TNFRSF10D: variants seen among roughly 807,000 people sequenced by gnomAD.
TNFRSF10D encodes tumor necrosis factor receptor superfamily member 10D.
A neutral mutation model predicts 42.1 loss-of-function variants in TNFRSF10D; 28 were observed. The ratio of observed to expected loss-of-function variants is 0.66; its 90% CI spans 0.49 to 0.91. The LOEUF (loss-of-function observed/expected upper bound fraction) is 0.91, where lower values mean the gene tolerates loss of function less well. Among genes scored for constraint, TNFRSF10D ranks in the 40% least tolerant of loss-of-function variants. TNFRSF10D has a pLI of 0.00. For synonymous variants in TNFRSF10D, 186 were observed against 189.4 expected, an observed-to-expected ratio of 0.98 and a Z score of 0.15; for missense variants, 503 against 486.1, an observed-to-expected ratio of 1.03 and a Z score of -0.33.
At chr8:23,161,097 C>T (rs1399045453) in intron 1 of TNFRSF10D, among the ~76,000 whole-genome samples, 1 of 152,266 alleles carries the variant, frequency 6.6e-6, no homozygotes, top group Non-Finnish European at 1.5e-5. Context: ...TCCGGAGTGA[C>T]TGACACCAGC....
At chr8:23,158,421 A>G (rs1563363070) in intron 1 of TNFRSF10D, among the ~76,000 whole-genome samples, 1 of 151,962 alleles carries the variant, frequency 6.6e-6, no homozygotes, top group Non-Finnish European at 1.5e-5. Context: ...TTTTCCATCT[A>G]TTTGCTTTCC....
chr8:23,152,458 C>G lies in TNFRSF10D; in HGVS notation c.256+2416G>C, dbSNP rs568143821. On this transcript the variant is annotated intron_variant, in intron 2 of 8. Coordinates refer to ENST00000312584, the MANE Select transcript of TNFRSF10D (RefSeq NM_003840.5). The stretch of plus-strand genomic sequence containing the variant: ...AGGTTCACACTGCTCTGCTGTGAAC[C>G]ATTAGGTTTTATTGTAGTCAGCTCC... Among the ~76,000 whole-genome samples, 3 of 152,240 alleles carry G rather than the reference C, an allele frequency of 2.0e-5. No individual in the cohort carries two copies. The South Asian group carries it at 6.2e-4, about 32-fold the overall frequency.
chr8:23,136,352 C>T lies in TNFRSF10D; in HGVS notation c.*1518G>A, dbSNP rs1021412455. 15 of 200,158 alleles carry T rather than the reference C, an allele frequency of 7.5e-5. No homozygotes were observed. Among genetic ancestry groups the T allele is most frequent in the Non-Finnish European group, 1.3e-4 (13 of 97,706 alleles). 12.4% of individuals were successfully genotyped at this position (200,158 alleles called of 1,614,324 possible). A position where few individuals can be genotyped will look rare whatever the true frequency, so the allele number is the denominator to read the frequency against. The stretch of plus-strand genomic sequence containing the variant: ...AGATGCTTACAGAGGGGCCAAGCTC[C>T]TCAAACAGGGAATCTGTACCCTAAA... On this transcript the variant is annotated 3_prime_UTR_variant, in exon 9 of 9. Transcript: ENST00000312584.
intron 3 of TNFRSF10D, among the ~76,000 whole-genome samples, chr8:23,147,451 G>A (rs1800136312): frequency 6.6e-6 from 1 of 152,200 alleles, no homozygotes; most frequent in Non-Finnish European, 1.5e-5. Flanking sequence ...GGCTAAGTGA[G>A]GCCAAGCACC....
At chr8:23,138,994 C>T (rs971297712) in intron 7 of TNFRSF10D, among the ~76,000 whole-genome samples, 1 of 151,956 alleles carries the variant, frequency 6.6e-6, no homozygotes, top group African/African-American at 2.4e-5. Context: ...CTGGCCTAGG[C>T]AACAAGATGG....
At chr8:23,151,766 T>A (rs1200162337) in intron 2 of TNFRSF10D, among the ~76,000 whole-genome samples, 1 of 152,242 alleles carries the variant, frequency 6.6e-6, no homozygotes, top group Non-Finnish European at 1.5e-5. Flanking sequence ...AGTGTTTTTA[T>A]ACACTGACAA....
At position 23,135,739 on chromosome 8, in the gene TNFRSF10D, GA is replaced by G. The variant is rs1428774082; in HGVS notation, c.*2130del. On this transcript the variant is annotated 3_prime_UTR_variant, in exon 9 of 9. Transcript: ENST00000312584. ...AACCCCAACAATTTCATGTTGTCAG[GA>G]AGCTTATGTTAAAGGAATAAGCTTA... 3.3e-6 allele frequency: 1 copy of G among 306,638 alleles called. No homozygotes were observed. The highest frequency in any genetic ancestry group is 6.5e-6 in the Non-Finnish European group (1 of 154,082). The allele number at this position is 306,638 out of a possible 1,614,324, so 19.0% of individuals were successfully genotyped here. A position where few individuals can be genotyped will look rare whatever the true frequency, so the allele number is the denominator to read the frequency against.
rs771962197 is a variant in TNFRSF10D, at chr8:23,145,062, T to G, written c.764A>C (p.His255Pro). The change falls in exon 6 of 9, where the codon CAC becomes CCC. Residue 255 changes from histidine (H) to proline (P), a missense_variant. Physicochemically the swap from His to Pro is moderately conservative, Grantham distance 77 (BLOSUM62 -2). Transcript: ENST00000312584. ...SGGGGGPERV[H>P]RVLFRRRSCP... ...TTTCTGGAGAAACCAACTCACTCTG[T>G]GCACACGTTCGGGACCTCCTCCACC... The G allele has an allele frequency of 3.1e-6, 5 of 1,614,114 alleles. No homozygotes were observed. In the Admixed American group the frequency reaches 8.3e-5, roughly 27 times the overall value.
At position 23,135,716 on chromosome 8, in the gene TNFRSF10D, C is replaced by T; in HGVS notation, c.*2154G>A. ...AAACAAATCAACCAACGCCAAAAAA[C>T]CCCAACAATTTCATGTTGTCAGGAA... On this transcript the variant is annotated 3_prime_UTR_variant, in exon 9 of 9. Transcript: ENST00000312584. 1 of 292,046 alleles carries T rather than the reference C, an allele frequency of 3.4e-6. No homozygotes were observed. The highest frequency in any genetic ancestry group is 6.8e-6 in the Non-Finnish European group (1 of 146,432). The allele number at this position is 292,046 out of a possible 1,614,324, so 18.1% of individuals were successfully genotyped here.
chr8:23,140,125 T>C (rs1243168700), intron 7 of TNFRSF10D, among the ~76,000 whole-genome samples: 1 of 152,000 alleles, frequency 6.6e-6, no homozygotes, highest in Non-Finnish European at 1.5e-5. Flanking sequence ...CCACCTCTAC[T>C]AAAAATACAA....
intron 7 of TNFRSF10D, among the ~76,000 whole-genome samples, chr8:23,140,246 G>A (rs538812749): frequency 2.7e-4 from 41 of 151,420 alleles, no homozygotes; most frequent in East Asian, 2.1e-3. Flanking sequence ...CTGAGATCGC[G>A]CCACTGCACT....
chr8:23,156,482 C>G (rs534709452), intron 1 of TNFRSF10D, among the ~76,000 whole-genome samples: 34 of 152,070 alleles, frequency 2.2e-4, no homozygotes, highest in Admixed American at 5.2e-4. Flanking sequence ...CCTCTAGGTT[C>G]AGGCGATGTC....
At chr8:23,161,350 T>C (rs1380650083) in intron 1 of TNFRSF10D, among the ~76,000 whole-genome samples, 2 of 152,256 alleles carry the variant, frequency 1.3e-5, no homozygotes, top group East Asian at 3.9e-4. Flanking sequence ...CCTACTTTGA[T>C]AAAGAGAAGG....
In TNFRSF10D at chr8:23,163,949, G is replaced by A. The variant is rs750504770; in HGVS notation, c.-14C>T. 4.5e-6 allele frequency: 7 copies of A among 1,541,224 alleles called. No individual in the cohort carries two copies. The South Asian group carries it at 8.5e-5, about 19-fold the overall frequency. ...CCAAAGTCCCATGAGAAGGGAGGAG[G>A]GTGGATCGAAAGCGCCAAAAATCAA... On this transcript the variant is annotated 5_prime_UTR_variant, in exon 1 of 9. Transcript: ENST00000312584.
chr8:23,156,857 A>T (rs979912525), intron 1 of TNFRSF10D, among the ~76,000 whole-genome samples: 2 of 152,158 alleles, frequency 1.3e-5, no homozygotes, highest in African/African-American at 2.4e-5. Context: ...GTAAGCCACC[A>T]CACACAGTCC....
intron 4 of TNFRSF10D, 27 bp downstream of exon 4, chr8:23,146,934 G>T (rs773429293): frequency 1.3e-6 from 2 of 1,589,578 alleles, no homozygotes; most frequent in Non-Finnish European, 1.7e-6. Flanking sequence ...CCTGAAAGCT[G>T]TTGGGAGCCC....
intron 2 of TNFRSF10D, among the ~76,000 whole-genome samples, chr8:23,150,934 A>C (rs368481520): frequency 6.6e-6 from 1 of 152,206 alleles, no homozygotes; most frequent in Admixed American, 6.5e-5. Context: ...GAAGCAAAAC[A>C]ATATATGCAT....
intron 7 of TNFRSF10D, among the ~76,000 whole-genome samples, chr8:23,138,517 CT>C (rs1258369513): frequency 6.6e-6 from 1 of 152,172 alleles, no homozygotes; most frequent in Non-Finnish European, 1.5e-5. Flanking sequence ...TAATTATCCC[CT>C]GATCAAGACA....
At chr8:23,162,687 TAAGG>T (rs1262011747) in intron 1 of TNFRSF10D, among the ~76,000 whole-genome samples, 73 of 152,158 alleles carry the variant, frequency 4.8e-4, no homozygotes, top group African/African-American at 1.8e-3. Flanking sequence ...CTTTTATGCC[TAAGG>T]AAGGGGCCAT....
Sources: allele counts gnomAD v4.1 joint callset (sites outside exome capture counted in the v4.1 genomes callset), GRCh38; gene constraint gnomAD v4.1.1; transcripts MANE v1.5; gene names NCBI Gene and HGNC (gene_info 2026-07-23, HGNC 2026-07-21).